Variants in ARHGAP22 observed in about 807,000 individuals in gnomAD.
ARHGAP22 encodes Rho GTPase activating protein 22, also known as rho GTPase-activating protein 22.
ARHGAP22 carries 48 observed loss-of-function variants against 59.1 expected under a neutral mutation model. That is an observed-to-expected ratio of 0.81 (90% CI 0.64 to 1.03). The LOEUF (loss-of-function observed/expected upper bound fraction) is 1.03, where lower values mean the gene tolerates loss of function less well. Ranked by LOEUF, ARHGAP22 falls within the 50% of genes least tolerant of loss-of-function variation. The pLI is 0.00. For synonymous variants in ARHGAP22, 445 were observed against 416.4 expected (o/e 1.07, Z -0.84); for missense variants, 1,015 against 958.7 (o/e 1.06, Z -0.78).
chr10:48,537,775 A>G (rs1458219353), intron 3 of ARHGAP22, among the ~76,000 whole-genome samples: 1 of 152,224 alleles, frequency 6.6e-6, no homozygotes, highest in Admixed American at 6.5e-5. Context: ...TCCCAGGGGC[A>G]GTGCCTCGGG....
At chr10:48,443,621 C>G (rs1054298610), downstream of ARHGAP22, among the ~76,000 whole-genome samples, 1 of 152,028 alleles carries the variant, frequency 6.6e-6, no homozygotes, top group Non-Finnish European at 1.5e-5. Flanking sequence ...ACTCAAGACA[C>G]CCGTGAGAGA....
intron 4 of ARHGAP22, among the ~76,000 whole-genome samples, chr10:48,462,191 G>A (rs1867578): frequency 0.17 from 25,683 of 148,124 alleles, 2,819 homozygotes; most frequent in East Asian, 0.61. Flanking sequence ...GCTTATAAAC[G>A]TATGTGCATA....
intron 2 of ARHGAP22, among the ~76,000 whole-genome samples, chr10:48,555,773 A>C (rs7071095): frequency 0.15 from 23,235 of 152,042 alleles, 1,873 homozygotes; most frequent in Admixed American, 0.23. Flanking sequence ...TGCATACATG[A>C]TTGGAGGAGC....
intron 1 of ARHGAP22, among the ~76,000 whole-genome samples, chr10:48,622,266 C>T (rs968501703): frequency 1.3e-5 from 2 of 151,388 alleles, no homozygotes; most frequent in East Asian, 1.9e-4. Flanking sequence ...TTCTGTCATA[C>T]CCTTTTAAGA....
Position 48,493,337 on chromosome 10 carries a change from T to G in ARHGAP22, c.323-13573A>C, listed in dbSNP as rs2050595614. The G allele has an allele frequency of 5.8e-6, 7 of 1,210,266 alleles. No individual in the cohort carries two copies. In the East Asian group the frequency reaches 1.8e-4, roughly 31 times the overall value. The allele number at this position is 1,210,266 out of a possible 1,614,324, so 75.0% of individuals were successfully genotyped here. ...ATGTCTTTCATTTCTCTTTACCTGG[T>G]TGCGGCCACCAAACACCACTTCCCT... On this transcript the variant is annotated intron_variant, in intron 3 of 9. Coordinates refer to ENST00000249601, the MANE Select transcript of ARHGAP22 (RefSeq NM_021226.4).
intron 1 of ARHGAP22, among the ~76,000 whole-genome samples, chr10:48,650,744 T>C (rs994061868): frequency 6.6e-6 from 1 of 152,180 alleles, no homozygotes; most frequent in Admixed American, 6.5e-5. Flanking sequence ...AAGTGACTGT[T>C]CCTTCCAAGC....
chr10:48,518,105 T>A (rs2053466775), intron 3 of ARHGAP22, among the ~76,000 whole-genome samples: 1 of 151,872 alleles, frequency 6.6e-6, no homozygotes, highest in Non-Finnish European at 1.5e-5. Flanking sequence ...GGAGAAGAAG[T>A]CACAAAGAGC....
At chr10:48,550,329 G>A (rs1475402977) in intron 3 of ARHGAP22, among the ~76,000 whole-genome samples, 22 of 152,180 alleles carry the variant, frequency 1.4e-4, no homozygotes, top group Admixed American at 1.4e-3. Context: ...TTAATTCTGT[G>A]AGGGTAGGAA....
chr10:48,547,110 T>C (rs1476890564), intron 3 of ARHGAP22, among the ~76,000 whole-genome samples: 1 of 152,158 alleles, frequency 6.6e-6, no homozygotes, highest in Non-Finnish European at 1.5e-5. Context: ...TGATGTCTGT[T>C]GAGAGTGTGT....
the ARHGAP22 span, chr10:48,431,068 C>T: frequency 1.5e-6 from 1 of 676,348 alleles, no homozygotes. Flanking sequence ...ATTTAACTGA[C>T]TGTCATTGTA....
At chr10:48,574,411 T>G (rs1399216716) in intron 2 of ARHGAP22, among the ~76,000 whole-genome samples, 1 of 152,220 alleles carries the variant, frequency 6.6e-6, no homozygotes, top group Non-Finnish European at 1.5e-5. Context: ...GGAAGTGTTA[T>G]AAATAACAAC....
chr10:48,480,504 C>T (rs1475178247), intron 3 of ARHGAP22, among the ~76,000 whole-genome samples: 2 of 152,282 alleles, frequency 1.3e-5, no homozygotes, highest in Middle Eastern at 3.4e-3. Flanking sequence ...TACATCCTAC[C>T]CCCCGACATC....
At chr10:48,620,721 C>A (rs1028853252) in intron 1 of ARHGAP22, among the ~76,000 whole-genome samples, 1 of 152,134 alleles carries the variant, frequency 6.6e-6, no homozygotes, top group African/African-American at 2.4e-5. Flanking sequence ...AATGTTAGTT[C>A]TCTCACAGAG....
chr10:48,628,115 G>A (rs1252943098), intron 1 of ARHGAP22, among the ~76,000 whole-genome samples: 2 of 152,212 alleles, frequency 1.3e-5, no homozygotes, highest in Non-Finnish European at 2.9e-5. Context: ...TATCTTGGGA[G>A]TCCTCAGGGT....
At position 48,481,009 on chromosome 10, in the gene ARHGAP22, G is replaced by C. The variant is rs116280829; in HGVS notation, c.323-1245C>G. 2.6e-5 allele frequency among the ~76,000 whole-genome samples: 4 copies of C among 152,368 alleles called. No homozygotes were observed. The East Asian group carries it at 7.7e-4, about 29-fold the overall frequency. On this transcript the variant is annotated intron_variant, in intron 3 of 9. Coordinates refer to ENST00000249601, the MANE Select transcript of ARHGAP22 (RefSeq NM_021226.4). ...CCGTGGGGAGGCAGGGGGAGAGGCC[G>C]TGGGGCCCAACGCTCAGGAGGGTGA...
intron 3 of ARHGAP22, among the ~76,000 whole-genome samples, chr10:48,516,077 AAAAAC>A (rs1485215169): frequency 6.6e-6 from 1 of 152,124 alleles, no homozygotes; most frequent in African/African-American, 2.4e-5. Flanking sequence ...AAAAATCTAT[AAAAAC>A]AAAAGTTGGT....
intron 1 of ARHGAP22, among the ~76,000 whole-genome samples, chr10:48,584,337 C>T (rs10857606): frequency 0.26 from 39,511 of 152,122 alleles, 5,834 homozygotes; most frequent in East Asian, 0.66. Flanking sequence ...ACTTTTCTTC[C>T]ATCCCTCTTC....
At chr10:48,431,612 T>G in the ARHGAP22 span, among the ~76,000 whole-genome samples, 1 of 152,186 alleles carries the variant, frequency 6.6e-6, no homozygotes, top group African/African-American at 2.4e-5. Context: ...TTTGGATAAA[T>G]AAAAGCTTCA....
chr10:48,556,044 A>C (rs901310969), intron 2 of ARHGAP22, among the ~76,000 whole-genome samples: 1 of 152,176 alleles, frequency 6.6e-6, no homozygotes. Context: ...TACCATGTAC[A>C]TGGTACCCCA....
Sources: gnomAD v4.1 joint callset for allele counts (sites outside exome capture counted in the v4.1 genomes callset) on GRCh38, gnomAD v4.1.1 for gene constraint, MANE v1.5 for transcripts, NCBI Gene and HGNC (gene_info 2026-07-23, HGNC 2026-07-21) for gene names.